Variants in ARHGAP21 observed in about 807,000 individuals in gnomAD.
ARHGAP21 encodes the protein Rho GTPase activating protein 21.
ARHGAP21 carries 38 observed loss-of-function variants against 164.6 expected under a neutral mutation model. That is an observed-to-expected ratio of 0.23 (90% CI 0.18 to 0.30). The LOEUF is 0.30. ARHGAP21 is among the 10% of genes least tolerant of loss of function. ARHGAP21 has a pLI of 1.00. For missense variants in ARHGAP21, 1,822 were observed against 2,370.7 expected, an observed-to-expected ratio of 0.77 and a Z score of 4.81; for synonymous variants, 766 against 857.9, an observed-to-expected ratio of 0.89 and a Z score of 1.87.
intron 2 of ARHGAP21, among the ~76,000 whole-genome samples, chr10:24,718,434 A>G (rs1845613417): frequency 6.6e-6 from 1 of 152,162 alleles, no homozygotes; most frequent in Admixed American, 6.5e-5. Flanking sequence ...AAACCCAGGG[A>G]GTGAGAAAGA....
intron 5 of ARHGAP21, 32 bp downstream of exon 5, chr10:24,634,979 A>G: frequency 7.1e-7 from 1 of 1,401,782 alleles, no homozygotes; most frequent in South Asian, 1.5e-5. Context: ...AAAAGAAATT[A>G]AAACGTATTG....
intron 4 of ARHGAP21, among the ~76,000 whole-genome samples, chr10:24,659,983 C>T (rs1839507175): frequency 6.6e-6 from 1 of 152,154 alleles, no homozygotes. Context: ...TGAGTTAATC[C>T]ATGCAAAGTC....
intron 2 of ARHGAP21, among the ~76,000 whole-genome samples, chr10:24,678,287 G>A (rs1282148293): frequency 6.6e-6 from 1 of 152,160 alleles, no homozygotes; most frequent in Non-Finnish European, 1.5e-5. Flanking sequence ...CTCGTTGTGT[G>A]TTTAGTTCTG....
chr10:24,647,549 T>C (rs990280147), intron 4 of ARHGAP21, among the ~76,000 whole-genome samples: 7 of 152,332 alleles, frequency 4.6e-5, no homozygotes, highest in Admixed American at 2.0e-4. Flanking sequence ...GATACTAACA[T>C]AGTAAATTTT....
intron 22 of ARHGAP21, 64 bp downstream of exon 22, chr10:24,591,823 C>T (rs1248388978): frequency 6.3e-7 from 1 of 1,590,202 alleles, no homozygotes; most frequent in African/African-American, 1.4e-5. Context: ...TAGCGGCTGC[C>T]CGTGAAAATG....
At chr10:24,681,197 A>G (rs1162485085) in intron 2 of ARHGAP21, among the ~76,000 whole-genome samples, 1 of 152,238 alleles carries the variant, frequency 6.6e-6, no homozygotes. Context: ...GAAATGTTCC[A>G]AAAGACTGCA....
Position 24,595,196 on chromosome 10 carries a change from G to A in ARHGAP21, c.3713-6C>T, listed in dbSNP as rs375712686. The A allele has an allele frequency of 1.1e-5, 17 of 1,605,202 alleles. No individual in the cohort carries two copies. Among genetic ancestry groups the A allele is most frequent in the East Asian group, 6.7e-5 (3 of 44,692 alleles). On this transcript the variant is annotated splice_region_variant and splice_polypyrimidine_tract_variant and intron_variant, in intron 19 of 25. Transcript: ENST00000396432. ...AATAAAATCAGCATATTTATCTGAC[G>A]ACAAGAACAATAAAACAAATTTATC...
intron 2 of ARHGAP21, among the ~76,000 whole-genome samples, chr10:24,674,208 C>T (rs2131819941): frequency 6.6e-6 from 1 of 151,872 alleles, no homozygotes; most frequent in South Asian, 2.1e-4. Flanking sequence ...CTGGGCAACA[C>T]AGGGAGACCC....
rs1257023315 is a variant in ARHGAP21, at chr10:24,585,481, C to T, written c.4808G>A (p.Arg1603Gln). ...ATYLTSLDSS[R>Q]LSPEVQSVAE... ...CACGGATTGCACCTCAGGGCTCAGTCGACTGGAGTCCAGGCTAGTCAAGTA... is the reference window on the plus strand; with the variant it reads ...CACGGATTGCACCTCAGGGCTCAGTTGACTGGAGTCCAGGCTAGTCAAGTA... The change falls in exon 26 of 26, where the codon CGA becomes CAA. Residue 1603 changes from arginine to glutamine, a missense_variant. By Grantham distance (43) the Arg-to-Gln change is conservative. Around this residue, in one of 5 missense-constraint regions of ARHGAP21, gnomAD observed 333 missense variants for 383.9 expected, o/e 0.87. Transcript: ENST00000396432. 1.5e-5 allele frequency: 24 copies of T among 1,614,086 alleles called. No homozygotes were observed. The highest frequency in any genetic ancestry group is 1.7e-5 in the Non-Finnish European group (20 of 1,180,032).
chr10:24,597,452 C>T lies in ARHGAP21; in HGVS notation c.3329G>A (p.Ser1110Asn). The change falls in exon 16 of 26, where the codon AGT becomes AAT. Residue 1110 changes from serine (S) to asparagine (N), a missense_variant. By Grantham distance (46) the Ser-to-Asn change is conservative (BLOSUM62 1). Coordinates refer to ENST00000396432, the MANE Select transcript of ARHGAP21 (RefSeq NM_020824.4). ...TAGAAAGCTAACATCAATACCTTTACTGAGAAGTTTCCTTTCCGACTCTTC... is the reference window on the plus strand; with the variant it reads ...TAGAAAGCTAACATCAATACCTTTATTGAGAAGTTTCCTTTCCGACTCTTC... ...PKEESERKLL[S>N]KDDTSPPKDK... is the part of the protein sequence containing the mutation. The T allele has an allele frequency of 1.2e-6, 2 of 1,612,726 alleles. No homozygotes were observed. Among genetic ancestry groups the T allele is most frequent in the Non-Finnish European group, 1.7e-6 (2 of 1,179,650 alleles).
At chr10:24,673,956 T>C (rs1415332924) in intron 2 of ARHGAP21, among the ~76,000 whole-genome samples, 1 of 152,142 alleles carries the variant, frequency 6.6e-6, no homozygotes, top group Non-Finnish European at 1.5e-5. Context: ...TTTATGAACT[T>C]AGGTCAAGAT....
chr10:24,615,284 C>T (rs1035075750), intron 9 of ARHGAP21, among the ~76,000 whole-genome samples: 1 of 152,120 alleles, frequency 6.6e-6, no homozygotes, highest in Admixed American at 6.5e-5. Flanking sequence ...TTAACGAACT[C>T]GACACTTCTA....
At chr10:24,719,271 C>T (rs1446118958) in intron 2 of ARHGAP21, among the ~76,000 whole-genome samples, 2 of 152,190 alleles carry the variant, frequency 1.3e-5, no homozygotes, top group Non-Finnish European at 2.9e-5. Context: ...TTCTACTGAA[C>T]TGTCCTAATT....
At chr10:24,682,700 T>C (rs1376820796) in intron 2 of ARHGAP21, among the ~76,000 whole-genome samples, 2 of 152,284 alleles carry the variant, frequency 1.3e-5, no homozygotes, top group Middle Eastern at 3.4e-3. Flanking sequence ...CTTTCTCTTT[T>C]TTTTTTTGTC....
At chr10:24,626,988 T>A (rs978656920) in intron 7 of ARHGAP21, among the ~76,000 whole-genome samples, 3 of 152,246 alleles carry the variant, frequency 2.0e-5, no homozygotes, top group Non-Finnish European at 4.4e-5. Context: ...GTTTTAAACA[T>A]TCTATCATTG....
At chr10:24,636,135 T>C (rs1836359274) in intron 4 of ARHGAP21, among the ~76,000 whole-genome samples, 1 of 152,248 alleles carries the variant, frequency 6.6e-6, no homozygotes, top group Non-Finnish European at 1.5e-5. Flanking sequence ...AAATCTGCTC[T>C]GTCAACAAGT....
chr10:24,601,254 G>A (rs779949832), intron 13 of ARHGAP21, among the ~76,000 whole-genome samples: 1 of 152,108 alleles, frequency 6.6e-6, no homozygotes, highest in African/African-American at 2.4e-5. Context: ...TTTAAAAATC[G>A]GTCCAAAAAA....
intron 2 of ARHGAP21, among the ~76,000 whole-genome samples, chr10:24,682,575 G>C (rs890430570): frequency 6.6e-6 from 1 of 151,986 alleles, no homozygotes; most frequent in Non-Finnish European, 1.5e-5. Context: ...TGAACTAAAG[G>C]GTTGTTTAAA....
At chr10:24,596,262 C>A (rs982841576) in intron 17 of ARHGAP21, 1 of 457,716 alleles carries the variant, frequency 2.2e-6, no homozygotes, top group Admixed American at 4.0e-5. Context: ...AGAGGGACCC[C>A]CAGAGAGATA....
Sources: gnomAD v4.1 joint callset for allele counts (sites outside exome capture counted in the v4.1 genomes callset) on GRCh38, gnomAD v4.1.1 for gene constraint, gnomAD v4.1.1 regional missense constraint, MANE v1.5 for transcripts, NCBI Gene and HGNC (gene_info 2026-07-23, HGNC 2026-07-21) for gene names.